HTT: variants seen among roughly 807,000 people sequenced by gnomAD.
HTT encodes the protein huntingtin, also known as huntington disease protein.
Under a neutral mutation model 362.3 loss-of-function variants are expected in HTT, and 104 were observed. That is an observed-to-expected ratio of 0.29 (90% CI 0.24 to 0.34). The LOEUF (loss-of-function observed/expected upper bound fraction) is 0.34, where lower values mean the gene tolerates loss of function less well. HTT is among the 10% of genes least tolerant of loss of function. The probability of loss-of-function intolerance (pLI) is 1.00; values close to 1 mark genes in which losing one functional copy is unlikely to be tolerated. For synonymous variants in HTT, 1,577 were observed against 1,548.7 expected, an observed-to-expected ratio of 1.02 and a Z score of -0.43; for missense variants, 3,301 against 3,928.6, an observed-to-expected ratio of 0.84 and a Z score of 4.27.
At position 3,142,768 on chromosome 4, in the gene HTT, T is replaced by C. The variant is rs1480517595; in HGVS notation, c.2948T>C (p.Ile983Thr). 1.4e-6 allele frequency: 2 copies of C among 1,462,820 alleles called. No homozygotes were observed. The highest frequency in any genetic ancestry group is 2.3e-5 in the East Asian group (1 of 44,130). The allele number at this position is 1,462,820 out of a possible 1,614,324, so 90.6% of individuals were successfully genotyped here. The change falls in exon 23 of 67, where the codon ATA becomes ACA. Residue 983 changes from isoleucine (I) to threonine (T), a missense_variant and splice_region_variant. By Grantham distance (89) the Ile-to-Thr change is moderately conservative. This residue lies in a region of HTT where 2,316 missense variants were observed against 2,658.5 expected (regional missense o/e 0.87). Coordinates refer to ENST00000355072, the MANE Select transcript of HTT (RefSeq NM_001388492.1). ...AGTCTCTATATTTTTGTTATTAGAA[T>C]ATATAGAGGCTATAACCTACTACCA... ...SHFSVSTITR[I>T]YRGYNLLPSI...
intron 8 of HTT, 60 bp downstream of exon 8, chr4:3,116,323 A>AT (rs1172649281): frequency 7.0e-7 from 1 of 1,428,422 alleles, no homozygotes; most frequent in African/African-American, 1.4e-5. Context: ...CAAAGAACCG[A>AT]TTAATTTGGA....
In HTT at chr4:3,089,443, T is replaced by C. The variant is rs566166110; in HGVS notation, c.347+2421T>C. Among the ~76,000 whole-genome samples the C allele has an allele frequency of 4.7e-4, 71 of 152,246 alleles. 1 individual carries two copies. The South Asian group carries it at 8.5e-3, about 18-fold the overall frequency. ...TAAATTTTTGTATTTTTAGTAGAGA[T>C]GGGGTTTCACCGTGTTAGCCAGGAT... On this transcript the variant is annotated intron_variant, in intron 2 of 66. Transcript: ENST00000355072.
At chr4:3,144,068 A>G (rs2110201731) in intron 23 of HTT, among the ~76,000 whole-genome samples, 1 of 152,322 alleles carries the variant, frequency 6.6e-6, no homozygotes, top group East Asian at 1.9e-4. Flanking sequence ...ATATTGAGTG[A>G]AAAAAGGCAG....
intron 59 of HTT, among the ~76,000 whole-genome samples, 185 bp downstream of exon 59, chr4:3,229,194 C>T (rs1053448403): frequency 4.7e-5 from 7 of 147,856 alleles, no homozygotes; most frequent in African/African-American, 1.8e-4. Context: ...CACACACATA[C>T]ACGGCATGCA....
Position 3,189,150 on chromosome 4 carries a change from A to G in HTT, c.5368+57A>G. ...TCTCGTTCCCCATTCTGCACTATACACTCTCAGAGTGTAGGAGCTGTGCTG... is the reference window on the plus strand; with the variant it reads ...TCTCGTTCCCCATTCTGCACTATACGCTCTCAGAGTGTAGGAGCTGTGCTG... On this transcript the variant is annotated intron_variant, in intron 40 of 66. Coordinates refer to ENST00000355072, the MANE Select transcript of HTT (RefSeq NM_001388492.1). 5.2e-6 allele frequency: 8 copies of G among 1,549,606 alleles called. No homozygotes were observed. In the Admixed American group the frequency reaches 1.2e-4, roughly 24 times the overall value.
At chr4:3,075,459 T>C (rs2110130080) in intron 1 of HTT, among the ~76,000 whole-genome samples, 1 of 152,308 alleles carries the variant, frequency 6.6e-6, no homozygotes, top group East Asian at 1.9e-4. Context: ...GGGGGTTCTT[T>C]TAACTGCGTT....
At chr4:3,133,753 T>A (rs1715935205) in intron 18 of HTT, among the ~76,000 whole-genome samples, 1 of 152,118 alleles carries the variant, frequency 6.6e-6, no homozygotes, top group African/African-American at 2.4e-5. Flanking sequence ...AAACCTACAA[T>A]TGTCAAATTT....
chr4:3,165,117 G>C (rs1429010504), intron 29 of HTT, among the ~76,000 whole-genome samples: 2 of 152,160 alleles, frequency 1.3e-5, no homozygotes, highest in African/African-American at 4.8e-5. Context: ...GGCAGGCCTG[G>C]TGGTGACAAA....
chr4:3,222,560 A>AT (rs1720728591), intron 54 of HTT, 73 bp downstream of exon 54: 1 of 1,087,398 alleles, frequency 9.2e-7, no homozygotes, highest in African/African-American at 1.6e-5. Context: ...GGGGAATAAA[A>AT]TAAGGCAGCA....
At position 3,177,334 on chromosome 4, in the gene HTT, G is replaced by A; in HGVS notation, c.4410G>A (p.Val1470=). ...VNYCLLDSDQ[V]FIGFVLKQFE... ...AAATTTTATTTTCCTTCCTGTAGGT[G>A]TTTATTGGCTTTGTATTGAAACAGT... is the stretch of plus-strand genomic sequence containing the variant. The change falls in exon 34 of 67, where the codon GTG becomes GTA. Residue 1470 remains valine (V), a splice_region_variant and synonymous_variant. Coordinates refer to ENST00000355072, the MANE Select transcript of HTT (RefSeq NM_001388492.1). 1.3e-6 allele frequency: 2 copies of A among 1,598,170 alleles called. No homozygotes were observed. Among genetic ancestry groups the A allele is most frequent in the Middle Eastern group, 1.7e-4 (1 of 6,022 alleles).
intron 60 of HTT, among the ~76,000 whole-genome samples, chr4:3,230,248 T>G (rs1489197590): frequency 6.6e-6 from 1 of 152,202 alleles, no homozygotes; most frequent in Non-Finnish European, 1.5e-5. Flanking sequence ...GTCACTGTGA[T>G]GTGGGTTGTG....
intron 8 of HTT, among the ~76,000 whole-genome samples, chr4:3,119,560 A>G (rs1210773127): frequency 1.3e-5 from 2 of 152,222 alleles, no homozygotes; most frequent in Non-Finnish European, 2.9e-5. Flanking sequence ...TTATGCAGTG[A>G]ATAACATTTA....
intron 51 of HTT, among the ~76,000 whole-genome samples, chr4:3,216,790 C>T (rs1232925503): frequency 6.6e-6 from 1 of 152,068 alleles, no homozygotes; most frequent in Admixed American, 6.5e-5. Context: ...CTTTGGGAGG[C>T]CGAGGCGGGC....
At chr4:3,213,095 G>T in intron 49 of HTT, 1 of 205,500 alleles carries the variant, frequency 4.9e-6, no homozygotes, top group South Asian at 9.8e-5. Flanking sequence ...ATGTGTACAC[G>T]TTCTGGATGC....
intron 1 of HTT, among the ~76,000 whole-genome samples, chr4:3,080,914 T>A (rs894055449): frequency 6.6e-6 from 1 of 152,262 alleles, no homozygotes; most frequent in Admixed American, 6.5e-5. Flanking sequence ...TGTATAAATT[T>A]ATTTCTAGAC....
intron 56 of HTT, among the ~76,000 whole-genome samples, chr4:3,224,485 A>G (rs1245774543): frequency 6.6e-6 from 1 of 152,222 alleles, no homozygotes; most frequent in East Asian, 1.9e-4. Context: ...CTAAGAAACC[A>G]TGTGTGGCAG....
chr4:3,084,783 A>G (rs576613482), intron 1 of HTT, among the ~76,000 whole-genome samples: 2 of 151,626 alleles, frequency 1.3e-5, no homozygotes, highest in African/African-American at 4.8e-5. Flanking sequence ...GGAGGCCGAG[A>G]TGGGCAGATC....
chr4:3,116,035 T>G (rs766400425), intron 7 of HTT, 50 bp from the exon 8 acceptor site: 39 of 1,509,030 alleles, frequency 2.6e-5, no homozygotes, highest in Middle Eastern at 2.4e-4. Flanking sequence ...AAGCCGGGAA[T>G]CTCCAAACAG....
chr4:3,239,214 AG>A (rs1338044141), intron 66 of HTT, among the ~76,000 whole-genome samples: 1 of 152,022 alleles, frequency 6.6e-6, no homozygotes, highest in Non-Finnish European at 1.5e-5. Flanking sequence ...GTCGCAGCTG[AG>A]GGGCCTTTCT....
Sources: gnomAD v4.1 joint callset for allele counts (sites outside exome capture counted in the v4.1 genomes callset) on GRCh38, gnomAD v4.1.1 for gene constraint, gnomAD v4.1.1 regional missense constraint, MANE v1.5 for transcripts, NCBI Gene and HGNC (gene_info 2026-07-23, HGNC 2026-07-21) for gene names.